Variants in CPEB1 observed in about 807,000 individuals in gnomAD.
The protein encoded by CPEB1 is cytoplasmic polyadenylation element binding protein 1, also known as cytoplasmic polyadenylation element-binding protein 1.
A neutral mutation model predicts 65.8 loss-of-function variants in CPEB1; 7 were observed. That is an observed-to-expected ratio of 0.11 (90% confidence interval 0.06 to 0.20). CPEB1 has a LOEUF of 0.20. Ranked by LOEUF, CPEB1 falls within the 10% of genes least tolerant of loss-of-function variation. The pLI is 1.00. For synonymous variants in CPEB1, 262 were observed against 260.0 expected (o/e 1.01, Z -0.08); for missense variants, 551 against 712.2 (o/e 0.77, Z 2.58).
At chr15:82,621,642 C>T (rs2045314623) in intron 3 of CPEB1, among the ~76,000 whole-genome samples, 1 of 149,884 alleles carries the variant, frequency 6.7e-6, no homozygotes, top group Admixed American at 6.6e-5. Context: ...AAAAATCTAA[C>T]ATCAGGCTAC....
At chr15:82,640,145 C>G (rs564806167) in intron 1 of CPEB1, among the ~76,000 whole-genome samples, 3 of 152,228 alleles carry the variant, frequency 2.0e-5, no homozygotes, top group Non-Finnish European at 4.4e-5. Flanking sequence ...CCAGACATAA[C>G]AGGCGTTTGT....
chr15:82,573,054 T>C (rs77679643), intron 3 of CPEB1: 72,673 of 1,535,236 alleles, frequency 0.047, 2,475 homozygotes, highest in African/African-American at 0.16. Flanking sequence ...TGTTCTCCCC[T>C]GTTGCAAGGA....
At chr15:82,590,263 C>G (rs1309215736) in intron 3 of CPEB1, among the ~76,000 whole-genome samples, 1 of 143,418 alleles carries the variant, frequency 7.0e-6, no homozygotes, top group Non-Finnish European at 1.5e-5. Context: ...TCATTAATTC[C>G]TAAGAAAACT....
chr15:82,590,487 T>A (rs1404028944), intron 3 of CPEB1, among the ~76,000 whole-genome samples: 1 of 152,208 alleles, frequency 6.6e-6, no homozygotes, highest in Non-Finnish European at 1.5e-5. Flanking sequence ...GACAGAAACC[T>A]GTATCCTTTC....
chr15:82,555,001 C>A (rs2036942284), intron 6 of CPEB1, among the ~76,000 whole-genome samples: 1 of 152,132 alleles, frequency 6.6e-6, no homozygotes, highest in African/African-American at 2.4e-5. Context: ...GAGATCCAGC[C>A]CAACTCTGTG....
At chr15:82,600,103 A>G (rs907083330) in intron 3 of CPEB1, among the ~76,000 whole-genome samples, 20 of 152,204 alleles carry the variant, frequency 1.3e-4, no homozygotes, top group African/African-American at 4.6e-4. Context: ...ACTCCCAAGG[A>G]AGAAAAAAGA....
At chr15:82,592,840 C>T (rs571702153) in intron 3 of CPEB1, among the ~76,000 whole-genome samples, 1 of 151,762 alleles carries the variant, frequency 6.6e-6, no homozygotes, top group Admixed American at 6.6e-5. Context: ...ACTAAAAATA[C>T]AAAAAAATTA....
At chr15:82,610,060 C>CA (rs34626642) in intron 3 of CPEB1, among the ~76,000 whole-genome samples, 53,227 of 106,070 alleles carry the variant, frequency 0.5, 11,240 homozygotes, top group Middle Eastern at 0.57. Flanking sequence ...ACCTCCGTGG[C>CA]AAAAAAAAAA....
chr15:82,559,449 C>T (rs2037814098), intron 4 of CPEB1, among the ~76,000 whole-genome samples: 2 of 152,238 alleles, frequency 1.3e-5, no homozygotes, highest in Middle Eastern at 3.4e-3. Flanking sequence ...TGTCATAATA[C>T]TGTTTTCCAA....
At chr15:82,592,503 G>A (rs2042337370) in intron 3 of CPEB1, among the ~76,000 whole-genome samples, 1 of 151,758 alleles carries the variant, frequency 6.6e-6, no homozygotes, top group South Asian at 2.1e-4. Flanking sequence ...GCTTGAGCCT[G>A]GGAGGCAGAG....
intron 7 of CPEB1, 87 bp from the exon 8 acceptor site, chr15:82,553,643 C>T: frequency 2.0e-6 from 2 of 1,015,756 alleles, no homozygotes; most frequent in Non-Finnish European, 1.5e-6. Flanking sequence ...GCATTCTCCT[C>T]CCTGGCTCAT....
intron 3 of CPEB1, among the ~76,000 whole-genome samples, chr15:82,593,862 T>G (rs1461073153): frequency 1.3e-5 from 2 of 152,218 alleles, no homozygotes; most frequent in African/African-American, 4.8e-5. Flanking sequence ...GCATTGTTAA[T>G]GAGCAGTAAT....
Position 82,570,136 on chromosome 15 carries a change from C to T in CPEB1, c.460+1208G>A, listed in dbSNP as rs563755670. On this transcript the variant is annotated intron_variant, in intron 4 of 12. Transcript: ENST00000684509. ...CATCCACATAAAACAATTTCAATAC[C>T]CCTCTCCTAAATGGGGTTTTACCAA... 6.6e-5 allele frequency among the ~76,000 whole-genome samples: 10 copies of T among 152,214 alleles called. No individual in the cohort carries two copies. The South Asian group carries it at 1.9e-3, about 28-fold the overall frequency.
intron 1 of CPEB1, among the ~76,000 whole-genome samples, chr15:82,637,371 T>C (rs2046748659): frequency 6.6e-6 from 1 of 152,170 alleles, no homozygotes; most frequent in African/African-American, 2.4e-5. Context: ...TTGGAGTCCA[T>C]TTTTTCTCAT....
intron 3 of CPEB1, among the ~76,000 whole-genome samples, chr15:82,587,325 T>C (rs2041882460): frequency 6.6e-6 from 1 of 152,232 alleles, no homozygotes. Context: ...GTAACTGTAT[T>C]ATAAGAATCT....
At chr15:82,620,221 A>G (rs1217242345) in intron 3 of CPEB1, among the ~76,000 whole-genome samples, 1 of 152,092 alleles carries the variant, frequency 6.6e-6, no homozygotes, top group Non-Finnish European at 1.5e-5. Context: ...AGCCTTGCCA[A>G]TATGGTGAAT....
At chr15:82,640,407 T>C (rs1469443146) in intron 1 of CPEB1, among the ~76,000 whole-genome samples, 1 of 152,212 alleles carries the variant, frequency 6.6e-6, no homozygotes, top group Admixed American at 6.5e-5. Context: ...TACCAGGTCA[T>C]AAGCTAGTAC....
intron 3 of CPEB1, among the ~76,000 whole-genome samples, chr15:82,576,354 T>C (rs1438707625): frequency 6.6e-6 from 1 of 152,216 alleles, no homozygotes; most frequent in Non-Finnish European, 1.5e-5. Context: ...TAACAGTGTG[T>C]ATATTTTGAT....
At chr15:82,606,863 T>C (rs1207281758) in intron 3 of CPEB1, among the ~76,000 whole-genome samples, 3 of 150,350 alleles carry the variant, frequency 2.0e-5, no homozygotes, top group Non-Finnish European at 3.0e-5. Flanking sequence ...CCAGGCATAG[T>C]AGCTCATGCC....
Sources: allele counts gnomAD v4.1 joint callset (sites outside exome capture counted in the v4.1 genomes callset), GRCh38; gene constraint gnomAD v4.1.1; transcripts MANE v1.5; gene names NCBI Gene and HGNC (gene_info 2026-07-23, HGNC 2026-07-21).